Variants in TOX observed in about 807,000 individuals in gnomAD.
TOX encodes thymocyte selection associated high mobility group box.
TOX carries 11 observed loss-of-function variants against 53.7 expected under a neutral mutation model. The observed-to-expected ratio is 0.20, with a 90% CI of 0.13 to 0.34. The LOEUF is 0.34. Among genes scored for constraint, TOX ranks in the 10% least tolerant of loss-of-function variants. TOX has a pLI of 1.00. For missense variants in TOX, 570 were observed against 664.6 expected, an observed-to-expected ratio of 0.86 and a Z score of 1.56; for synonymous variants, 225 against 245.3, an observed-to-expected ratio of 0.92 and a Z score of 0.77.
intron 1 of TOX, among the ~76,000 whole-genome samples, chr8:59,071,554 A>G (rs1173844578): frequency 6.6e-6 from 1 of 152,230 alleles, no homozygotes; most frequent in African/African-American, 2.4e-5. Flanking sequence ...ACAATTTCAG[A>G]AAGATTAAAA....
intron 1 of TOX, among the ~76,000 whole-genome samples, chr8:59,017,745 A>T (rs1245070062): frequency 6.6e-6 from 1 of 152,224 alleles, no homozygotes; most frequent in Non-Finnish European, 1.5e-5. Context: ...TTATATTACA[A>T]ACTCGGAACA....
chr8:58,866,391 GC>G (rs1409047043), intron 3 of TOX, among the ~76,000 whole-genome samples: 1 of 152,094 alleles, frequency 6.6e-6, no homozygotes, highest in Non-Finnish European at 1.5e-5. Context: ...AGACTGATAA[GC>G]CTCACACATT....
At chr8:58,864,095 T>G (rs1348501057) in intron 3 of TOX, among the ~76,000 whole-genome samples, 1 of 152,086 alleles carries the variant, frequency 6.6e-6, no homozygotes, top group Non-Finnish European at 1.5e-5. Context: ...TATATTTTCA[T>G]AAAAGTAATG....
chr8:59,042,980 A>G (rs1803619502), intron 1 of TOX, among the ~76,000 whole-genome samples: 1 of 152,200 alleles, frequency 6.6e-6, no homozygotes, highest in Admixed American at 6.5e-5. Flanking sequence ...ATTGAGAAAT[A>G]CACAGTACAT....
chr8:58,911,048 T>C (rs916945976), intron 3 of TOX, among the ~76,000 whole-genome samples: 52 of 151,706 alleles, frequency 3.4e-4, no homozygotes, highest in Non-Finnish European at 6.9e-4. Context: ...TAGTTCTCTC[T>C]TTTTTTTTCC....
chr8:58,813,851 G>C (rs1810126368), intron 7 of TOX, among the ~76,000 whole-genome samples: 1 of 152,146 alleles, frequency 6.6e-6, no homozygotes, highest in Non-Finnish European at 1.5e-5. Context: ...TGAATTCTTA[G>C]GAGATACAGG....
intron 6 of TOX, among the ~76,000 whole-genome samples, chr8:58,818,567 A>G (rs929637750): frequency 6.6e-6 from 1 of 152,162 alleles, no homozygotes; most frequent in Non-Finnish European, 1.5e-5. Context: ...CGCATCTACC[A>G]TAGTGCAAAA....
intron 3 of TOX, among the ~76,000 whole-genome samples, chr8:58,873,630 CAT>C (rs1811232362): frequency 6.6e-6 from 1 of 152,100 alleles, no homozygotes; most frequent in Admixed American, 6.6e-5. Context: ...ACTACAATCT[CAT>C]GTGTGTCAAT....
At chr8:58,925,204 A>G (rs1257449553) in intron 3 of TOX, among the ~76,000 whole-genome samples, 1 of 152,232 alleles carries the variant, frequency 6.6e-6, no homozygotes, top group African/African-American at 2.4e-5. Flanking sequence ...TTTAATTTAA[A>G]AAGGCCAAAA....
chr8:59,055,479 G>A (rs1271380647), intron 1 of TOX, among the ~76,000 whole-genome samples: 1 of 152,222 alleles, frequency 6.6e-6, no homozygotes, highest in East Asian at 1.9e-4. Flanking sequence ...CCAGGAGGCA[G>A]TGGCTAGTGA....
chr8:59,018,517 C>A (rs1814057150), intron 1 of TOX, among the ~76,000 whole-genome samples: 1 of 152,160 alleles, frequency 6.6e-6, no homozygotes, highest in Non-Finnish European at 1.5e-5. Flanking sequence ...TTGGGACATG[C>A]AAGGTTAAAC....
chr8:58,904,658 C>T (rs1252272236), intron 3 of TOX, among the ~76,000 whole-genome samples: 1 of 152,134 alleles, frequency 6.6e-6, no homozygotes, highest in Non-Finnish European at 1.5e-5. Context: ...GCAGCAGGGG[C>T]CTGACCATGG....
At chr8:59,007,283 G>C (rs1813809141) in intron 1 of TOX, among the ~76,000 whole-genome samples, 1 of 151,536 alleles carries the variant, frequency 6.6e-6, no homozygotes, top group South Asian at 2.1e-4. Flanking sequence ...ATTTGACATA[G>C]TTTAATGAAA....
intron 5 of TOX, among the ~76,000 whole-genome samples, chr8:58,833,315 GC>G (rs1203957654): frequency 6.6e-6 from 1 of 152,220 alleles, no homozygotes; most frequent in Non-Finnish European, 1.5e-5. Context: ...GAGCCGGCTT[GC>G]CGTGGCTAAA....
chr8:58,972,432 G>A (rs867493653), intron 1 of TOX, among the ~76,000 whole-genome samples: 6 of 151,918 alleles, frequency 3.9e-5, no homozygotes, highest in South Asian at 2.1e-4. Context: ...AAATTGCTTC[G>A]GGCTAATTTA....
In TOX at chr8:58,807,240, G is replaced by C. The variant is rs1427820653; in HGVS notation, c.*507C>G. 6.6e-6 allele frequency: 1 copy of C among 152,606 alleles called. No homozygotes were observed. The highest frequency in any genetic ancestry group is 1.5e-5 in the Non-Finnish European group (1 of 68,052). 9.5% of individuals were successfully genotyped at this position (152,606 alleles called of 1,614,324 possible). A position where few individuals can be genotyped will look rare whatever the true frequency, so the allele number is the denominator to read the frequency against. On this transcript the variant is annotated 3_prime_UTR_variant, in exon 9 of 9. Coordinates refer to ENST00000361421, the MANE Select transcript of TOX (RefSeq NM_014729.3). ...TGTTTGCCAATTTAACCCCTATTGT[G>C]AAATCAATAAACTGGAATGAGCCAG...
intron 3 of TOX, among the ~76,000 whole-genome samples, chr8:58,908,444 C>T (rs539585138): frequency 6.6e-5 from 10 of 152,272 alleles, no homozygotes; most frequent in South Asian, 4.2e-4. Context: ...TTTCCAGCCA[C>T]GCTGTTCCCC....
intron 1 of TOX, among the ~76,000 whole-genome samples, chr8:59,077,829 AT>A (rs1263378778): frequency 6.6e-6 from 1 of 152,224 alleles, no homozygotes. Context: ...ACTATAAAGA[AT>A]AGAGGCAATT....
chr8:58,875,138 T>C (rs976883431), intron 3 of TOX, among the ~76,000 whole-genome samples: 2 of 152,216 alleles, frequency 1.3e-5, no homozygotes, highest in Admixed American at 6.5e-5. Context: ...TGGACATAAG[T>C]ACAAGACCTC....
Sources: gnomAD v4.1 joint callset for allele counts (sites outside exome capture counted in the v4.1 genomes callset) on GRCh38, gnomAD v4.1.1 for gene constraint, MANE v1.5 for transcripts, NCBI Gene and HGNC (gene_info 2026-07-23, HGNC 2026-07-21) for gene names.